Variants in ARHGAP24 observed in about 807,000 individuals in gnomAD.
ARHGAP24 encodes the protein rho GTPase-activating protein 24.
ARHGAP24 carries 50 observed loss-of-function variants against 76.4 expected under a neutral mutation model. The ratio of observed to expected loss-of-function variants is 0.65; its 90% CI spans 0.52 to 0.83. The LOEUF is 0.83. Ranked by LOEUF, ARHGAP24 falls within the 40% of genes least tolerant of loss-of-function variation. The pLI is 0.00. For synonymous variants in ARHGAP24, 345 were observed against 323.3 expected, an observed-to-expected ratio of 1.07 and a Z score of -0.72; for missense variants, 930 against 914.2, an observed-to-expected ratio of 1.02 and a Z score of -0.22.
intron 5 of ARHGAP24, among the ~76,000 whole-genome samples, chr4:85,945,422 G>A (rs1050580567): frequency 2.0e-5 from 3 of 151,990 alleles, no homozygotes; most frequent in African/African-American, 4.8e-5. Flanking sequence ...ATAGTGCAAC[G>A]AGTGTAAATA....
rs1452181645 is a variant in ARHGAP24, at chr4:85,831,462, A to T, written c.269-92186A>T. ...CATTTTAATATTTTTAAAGATTGGC[A>T]TGCTTTAAATATTTTTATGATAAAG... On this transcript the variant is annotated intron_variant, in intron 3 of 9. Transcript: ENST00000395184. Among the ~76,000 whole-genome samples, 3 of 152,328 alleles carry T rather than the reference A, an allele frequency of 2.0e-5. 1 individual carries two copies. Among genetic ancestry groups the T allele is most frequent in the South Asian group, 4.1e-4 (2 of 4,822 alleles).
At chr4:85,714,430 C>T (rs1724658891) in intron 2 of ARHGAP24, among the ~76,000 whole-genome samples, 1 of 151,984 alleles carries the variant, frequency 6.6e-6, no homozygotes, top group Non-Finnish European at 1.5e-5. Flanking sequence ...TAATGCTTCT[C>T]AAGTGTAGAT....
intron 3 of ARHGAP24, among the ~76,000 whole-genome samples, chr4:85,847,829 C>G (rs1730971255): frequency 6.6e-6 from 1 of 152,012 alleles, no homozygotes; most frequent in South Asian, 2.1e-4. Flanking sequence ...GTAATGCTGC[C>G]CTCCAAATAC....
chr4:85,540,930 G>C (rs1212802431), intron 1 of ARHGAP24, among the ~76,000 whole-genome samples: 7 of 127,354 alleles, frequency 5.5e-5, no homozygotes, highest in Non-Finnish European at 1.1e-4. Context: ...CAAAAGGGAA[G>C]GTTTGTTACT....
chr4:85,979,563 T>C (rs1393789300), intron 8 of ARHGAP24, among the ~76,000 whole-genome samples: 3 of 152,152 alleles, frequency 2.0e-5, no homozygotes, highest in East Asian at 1.9e-4. Context: ...AGGTACCTCA[T>C]ATACCTGTTA....
intron 1 of ARHGAP24, among the ~76,000 whole-genome samples, chr4:85,545,162 C>T (rs1024535780): frequency 2.0e-5 from 3 of 151,860 alleles, no homozygotes; most frequent in Admixed American, 6.6e-5. Context: ...TGCAATGGCG[C>T]GATCTCTGCT....
intron 5 of ARHGAP24, among the ~76,000 whole-genome samples, chr4:85,954,958 C>T (rs1482097477): frequency 2.0e-5 from 3 of 152,082 alleles, no homozygotes; most frequent in Admixed American, 1.3e-4. Flanking sequence ...TGCGGTGAGC[C>T]GAGATTGTGC....
intron 3 of ARHGAP24, among the ~76,000 whole-genome samples, chr4:85,822,890 T>C (rs1443678222): frequency 6.6e-6 from 1 of 152,206 alleles, no homozygotes; most frequent in African/African-American, 2.4e-5. Flanking sequence ...TATTTCCTTA[T>C]ATTATAGGAC....
intron 3 of ARHGAP24, among the ~76,000 whole-genome samples, chr4:85,877,955 ATGGTTTAAGAAGTAGACCTACTT>A (rs1211817220): frequency 6.6e-6 from 1 of 152,170 alleles, no homozygotes; most frequent in Non-Finnish European, 1.5e-5. Context: ...TGATATTAAA[ATGGTTTAAGAAGTAGACCTACTT>A]TTGTAGTTAC....
intron 3 of ARHGAP24, among the ~76,000 whole-genome samples, chr4:85,857,762 A>G (rs1731668969): frequency 6.6e-6 from 1 of 152,172 alleles, no homozygotes; most frequent in African/African-American, 2.4e-5. Context: ...CAATATTAAG[A>G]GAAATAGTTG....
chr4:85,850,039 G>T (rs1053162514), intron 3 of ARHGAP24, among the ~76,000 whole-genome samples: 6 of 152,142 alleles, frequency 3.9e-5, no homozygotes, highest in Admixed American at 6.6e-5. Flanking sequence ...GCTTCTCTTT[G>T]TACCTCTGGT....
chr4:85,864,028 C>A (rs1732050867), intron 3 of ARHGAP24, among the ~76,000 whole-genome samples: 1 of 152,052 alleles, frequency 6.6e-6, no homozygotes, highest in Non-Finnish European at 1.5e-5. Flanking sequence ...CTGGTCGTCC[C>A]ATCTTAATCT....
At chr4:85,820,846 T>C (rs1029873224) in intron 3 of ARHGAP24, among the ~76,000 whole-genome samples, 1 of 152,092 alleles carries the variant, frequency 6.6e-6, no homozygotes, top group Non-Finnish European at 1.5e-5. Context: ...CTTAGTAGCA[T>C]AAAAGTATAA....
intron 1 of ARHGAP24, among the ~76,000 whole-genome samples, chr4:85,568,088 AC>A (rs560234546): frequency 6.6e-6 from 1 of 152,220 alleles, no homozygotes; most frequent in Non-Finnish European, 1.5e-5. Context: ...GTTCTAGTGT[AC>A]ACACATTTCT....
chr4:85,668,354 A>G lies in ARHGAP24; in HGVS notation c.181-53531A>G, dbSNP rs373886151. 3.3e-5 allele frequency among the ~76,000 whole-genome samples: 5 copies of G among 152,344 alleles called. No homozygotes were observed. In the East Asian group the frequency reaches 5.8e-4, roughly 18 times the overall value. On this transcript the variant is annotated intron_variant, in intron 2 of 9. Coordinates refer to ENST00000395184, the MANE Select transcript of ARHGAP24 (RefSeq NM_001025616.3). ...CTATCTATTCAACAACTAGAAATTG[A>G]GAATTTACTGGGTGCAGGCACTTAG...
intron 3 of ARHGAP24, among the ~76,000 whole-genome samples, chr4:85,765,261 T>C (rs953961918): frequency 7.2e-5 from 11 of 152,170 alleles, no homozygotes; most frequent in African/African-American, 2.7e-4. Flanking sequence ...AATAATTTTA[T>C]GGTTTGTGAA....
At chr4:85,769,083 T>C (rs11097073) in intron 3 of ARHGAP24, among the ~76,000 whole-genome samples, 34,176 of 151,910 alleles carry the variant, frequency 0.22, 4,083 homozygotes, top group Admixed American at 0.29. Flanking sequence ...TTAGAAATAG[T>C]CATATCCTTA....
chr4:85,711,650 T>C (rs1252189327), intron 2 of ARHGAP24, among the ~76,000 whole-genome samples: 2 of 152,182 alleles, frequency 1.3e-5, no homozygotes, highest in African/African-American at 4.8e-5. Context: ...TTCAAATATG[T>C]GGAAAATTAT....
At chr4:85,616,916 G>A (rs72982062) in intron 2 of ARHGAP24, among the ~76,000 whole-genome samples, 3,732 of 151,962 alleles carry the variant, frequency 0.025, 171 homozygotes, top group African/African-American at 0.086. Context: ...ACGTGAGCCG[G>A]CATGCCCAGC....
Sources: gnomAD v4.1 joint callset for allele counts (sites outside exome capture counted in the v4.1 genomes callset) on GRCh38, gnomAD v4.1.1 for gene constraint, MANE v1.5 for transcripts, NCBI Gene and HGNC (gene_info 2026-07-23, HGNC 2026-07-21) for gene names.